KIT: variants seen among roughly 807,000 people sequenced by gnomAD.
KIT encodes KIT proto-oncogene, receptor tyrosine kinase.
In KIT, 16 loss-of-function variants were observed where a neutral mutation model predicts 105.7. That is an observed-to-expected ratio of 0.15 (90% CI 0.10 to 0.23). The LOEUF is 0.23. KIT is among the 10% of genes least tolerant of loss of function. The pLI is 1.00. For missense variants in KIT, 858 were observed against 1,213.8 expected (o/e 0.71, Z 4.36); for synonymous variants, 438 against 441.1 (o/e 0.99, Z 0.09).
At chr4:54,737,149 G>A in intron 19 of KIT, 26 bp from the exon 20 acceptor site, 2 of 1,437,638 alleles carry the variant, frequency 1.4e-6, no homozygotes, top group East Asian at 2.3e-5. Context: ...ATTGAGGAGG[G>A]ATAGTAAATG....
chr4:54,738,410 A>C lies in KIT; in HGVS notation c.2803-19A>C, dbSNP rs200447603. 10 of 1,613,990 alleles carry C rather than the reference A, an allele frequency of 6.2e-6. No homozygotes were observed. The highest frequency in any genetic ancestry group is 8.5e-6 in the Non-Finnish European group (10 of 1,179,912). On this transcript the variant is annotated intron_variant, in intron 20 of 20. Transcript: ENST00000288135. ...CGTTGTAGGGACTGCTGTATTGACT[A>C]TGGGCTTGTTTTCTCCAGATTTACT...
At chr4:54,664,852 T>C (rs1287165548) in intron 1 of KIT, among the ~76,000 whole-genome samples, 3 of 149,836 alleles carry the variant, frequency 2.0e-5, no homozygotes, top group African/African-American at 7.3e-5. Context: ...CCTCCCAAAA[T>C]GCTGGGGTTA....
chr4:54,665,502 C>A (rs913125182), intron 1 of KIT, among the ~76,000 whole-genome samples: 2 of 152,000 alleles, frequency 1.3e-5, no homozygotes, highest in Admixed American at 1.3e-4. Flanking sequence ...AAGAAAGCGC[C>A]CTTAAGAGAC....
intron 7 of KIT, among the ~76,000 whole-genome samples, chr4:54,719,578 T>A (rs924701109): frequency 6.6e-6 from 1 of 151,884 alleles, no homozygotes; most frequent in Non-Finnish European, 1.5e-5. Flanking sequence ...CTATTTTTTT[T>A]TATCTCCACA....
intron 17 of KIT, among the ~76,000 whole-genome samples, chr4:54,735,653 A>C (rs1394927874): frequency 6.6e-6 from 1 of 152,200 alleles, no homozygotes; most frequent in Admixed American, 6.5e-5. Context: ...TATCTTATTT[A>C]ACCCACAAGA....
At position 54,698,336 on chromosome 4, in the gene KIT, C is replaced by T. The variant is rs575926270; in HGVS notation, c.390C>T (p.Asn130=). ...GCTCCTTGTATGGGAAAGAAGACAA[C>T]GACACGCTGGTCCGCTGTCCTCTCA... The part of the protein sequence containing the change: ...VDRSLYGKED[N]DTLVRCPLTD... The change falls in exon 3 of 21, where the codon AAC becomes AAT. Residue 130 remains asparagine (N), a synonymous_variant. Coordinates refer to ENST00000288135, the MANE Select transcript of KIT (RefSeq NM_000222.3). 42 of 1,614,008 alleles carry T rather than the reference C, an allele frequency of 2.6e-5. No individual in the cohort carries two copies. Among genetic ancestry groups the T allele is most frequent in the Middle Eastern group, 1.7e-4 (1 of 6,060 alleles).
At chr4:54,701,179 T>C (rs1479932710) in intron 4 of KIT, among the ~76,000 whole-genome samples, 2 of 152,228 alleles carry the variant, frequency 1.3e-5, no homozygotes, top group African/African-American at 2.4e-5. Context: ...TGCTGGTAGA[T>C]AAGCCTTCAG....
At chr4:54,716,330 A>G (rs906517117) in intron 7 of KIT, among the ~76,000 whole-genome samples, 6 of 152,254 alleles carry the variant, frequency 3.9e-5, no homozygotes, top group African/African-American at 1.2e-4. Context: ...GAACATTTGT[A>G]TGCTGCATGT....
Position 54,703,790 on chromosome 4 carries a change from T to C in KIT, c.823T>C (p.Leu275=), listed in dbSNP as rs1351977769. Residue 275 remains leucine (L), a synonymous_variant, in exon 5 of 21, where the codon TTG becomes CTG. Transcript: ENST00000288135. The part of the protein sequence containing the change: ...GDFNYERQAT[L]TISSARVNDS... Reference sequence around the variant, plus strand: ...CTTCAATTATGAACGTCAGGCAACGTTGACTATCAGTTCAGCGAGAGTTAA... The same window carrying C: ...CTTCAATTATGAACGTCAGGCAACGCTGACTATCAGTTCAGCGAGAGTTAA... 1.6e-5 allele frequency: 26 copies of C among 1,613,580 alleles called. No individual in the cohort carries two copies. Among genetic ancestry groups the C allele is most frequent in the Admixed American group, 6.7e-5 (4 of 60,002 alleles).
intron 7 of KIT, among the ~76,000 whole-genome samples, chr4:54,715,715 A>C (rs77759615): frequency 6.6e-6 from 1 of 152,178 alleles, no homozygotes; most frequent in Non-Finnish European, 1.5e-5. Context: ...ATTCAGGATC[A>C]GTTTTTAAAC....
chr4:54,679,214 T>G (rs547485005), intron 1 of KIT, among the ~76,000 whole-genome samples: 5 of 152,266 alleles, frequency 3.3e-5, no homozygotes, highest in Non-Finnish European at 7.3e-5. Flanking sequence ...CAGATCCTCC[T>G]CTGTGGCAGG....
intron 7 of KIT, among the ~76,000 whole-genome samples, chr4:54,722,627 G>A (rs1721947010): frequency 6.6e-6 from 1 of 151,886 alleles, no homozygotes; most frequent in African/African-American, 2.4e-5. Flanking sequence ...TTTATTCTTA[G>A]AGGGTTGGAA....
intron 1 of KIT, among the ~76,000 whole-genome samples, chr4:54,676,833 C>T (rs749727092): frequency 5.9e-5 from 9 of 152,068 alleles, no homozygotes; most frequent in Non-Finnish European, 1.2e-4. Flanking sequence ...CATCTGTGGC[C>T]TCTGCAGGAG....
At chr4:54,659,543 T>C (rs1717087692) in intron 1 of KIT, among the ~76,000 whole-genome samples, 1 of 152,234 alleles carries the variant, frequency 6.6e-6, no homozygotes. Flanking sequence ...CCAGGCGCAG[T>C]CTGCAGCGTC....
intron 1 of KIT, among the ~76,000 whole-genome samples, chr4:54,693,827 C>G (rs141249575): frequency 1.3e-5 from 2 of 152,080 alleles, no homozygotes; most frequent in Non-Finnish European, 2.9e-5. Context: ...CTTCTGCCTC[C>G]TCACTGAGGT....
chr4:54,679,251 C>A (rs1038298764), intron 1 of KIT, among the ~76,000 whole-genome samples: 1 of 152,178 alleles, frequency 6.6e-6, no homozygotes, highest in South Asian at 2.1e-4. Flanking sequence ...TGAAAAGGGG[C>A]TCCCTGAATG....
At chr4:54,683,254 T>C (rs1310802309) in intron 1 of KIT, among the ~76,000 whole-genome samples, 1 of 152,222 alleles carries the variant, frequency 6.6e-6, no homozygotes, top group African/African-American at 2.4e-5. Flanking sequence ...CTAAGTAACT[T>C]GCCTAATGAT....
At chr4:54,659,959 G>T (rs985035119) in intron 1 of KIT, among the ~76,000 whole-genome samples, 2 of 152,062 alleles carry the variant, frequency 1.3e-5, no homozygotes, top group South Asian at 2.1e-4. Context: ...TCTTGGCTGC[G>T]TGCCCTTGGC....
intron 7 of KIT, among the ~76,000 whole-genome samples, chr4:54,722,866 T>C (rs1169461222): frequency 3.9e-5 from 4 of 102,052 alleles, no homozygotes; most frequent in Admixed American, 8.6e-5. Context: ...TATATATATG[T>C]ATATATATTT....
Sources: gnomAD v4.1 joint callset for allele counts (sites outside exome capture counted in the v4.1 genomes callset) on GRCh38, gnomAD v4.1.1 for gene constraint, MANE v1.5 for transcripts, NCBI Gene and HGNC (gene_info 2026-07-23, HGNC 2026-07-21) for gene names.